Variants in LZTR1 observed in about 807,000 individuals in gnomAD.
LZTR1 encodes the protein leucine-zipper-like transcriptional regulator 1.
Under a neutral mutation model 105.7 loss-of-function variants are expected in LZTR1, and 260 were observed. The observed-to-expected ratio is 2.46, with a 90% CI of 2.22 to 2.72. The LOEUF is 2.72. Ranked by LOEUF, LZTR1 falls within the 30% of genes most tolerant of loss-of-function variation. LZTR1 has a pLI of 0.00. For synonymous variants in LZTR1, 490 were observed against 476.4 expected (o/e 1.03, Z -0.37); for missense variants, 1,214 against 1,166.9 (o/e 1.04, Z -0.59).
intron 3 of LZTR1, chr22:20,986,666 G>A (rs1569154140): frequency 6.6e-6 from 1 of 152,150 alleles, no homozygotes; most frequent in Admixed American, 6.5e-5. Flanking sequence ...GATTATATAG[G>A]TAGATGATAG....
At chr22:20,984,186 A>C (rs1376106939) in intron 2 of LZTR1, among the ~76,000 whole-genome samples, 1 of 151,984 alleles carries the variant, frequency 6.6e-6, no homozygotes, top group East Asian at 1.9e-4. Flanking sequence ...TACCATCTTC[A>C]TTTGTTCCTG....
chr22:20,988,134 G>C lies in LZTR1; in HGVS notation c.509+16G>C. ...TTGAAGGACGGTGAGAAACTTTGCA[G>C]AAACATTTGGGACAGGCTGGGTCCT... On this transcript the variant is annotated intron_variant, in intron 5 of 20. Transcript: ENST00000646124. 6.5e-7 allele frequency: 1 copy of C among 1,542,716 alleles called. No homozygotes were observed. Among genetic ancestry groups the C allele is most frequent in the Non-Finnish European group, 9.0e-7 (1 of 1,115,286 alleles).
At chr22:20,992,182 T>C in intron 9 of LZTR1, 32 bp from the exon 10 acceptor site, 1 of 1,601,450 alleles carries the variant, frequency 6.2e-7, no homozygotes, top group South Asian at 1.1e-5. Flanking sequence ...CCTTGCCAAC[T>C]GGTCTCATGC....
chr22:20,986,921 A>T (rs1481700838), intron 3 of LZTR1: 1 of 152,250 alleles, frequency 6.6e-6, no homozygotes, highest in Non-Finnish European at 1.5e-5. Context: ...ATTTTAAAAA[A>T]TTTCATGGAA....
At chr22:20,986,767 T>G (rs1209446376) in intron 3 of LZTR1, 4 of 152,212 alleles carry the variant, frequency 2.6e-5, no homozygotes, top group Non-Finnish European at 5.9e-5. Flanking sequence ...AGATAGGTAT[T>G]AAATGAAATT....
chr22:20,996,990 A>G, intron 20 of LZTR1, 24 bp downstream of exon 20: 1 of 1,611,586 alleles, frequency 6.2e-7, no homozygotes, highest in Non-Finnish European at 8.5e-7. Flanking sequence ...CCTCCCCTTC[A>G]GGACTCGCTT....
At chr22:20,996,252 TG>T in intron 18 of LZTR1, 140 bp downstream of exon 18, 1 of 937,084 alleles carries the variant, frequency 1.1e-6, no homozygotes, top group Non-Finnish European at 1.6e-6. Flanking sequence ...TGCTGGTGCC[TG>T]GGGCTGGGCC....
chr22:20,985,224 A>AT (rs1467623817), intron 2 of LZTR1, among the ~76,000 whole-genome samples: 1 of 151,486 alleles, frequency 6.6e-6, no homozygotes, highest in African/African-American at 2.4e-5. Flanking sequence ...TGCCAGGCTA[A>AT]TTTTTTTGTA....
At chr22:20,990,821 C>T (rs1414586903) in intron 8 of LZTR1, 9 of 360,700 alleles carry the variant, frequency 2.5e-5, no homozygotes, top group South Asian at 8.7e-5. Context: ...CAGTAACAGA[C>T]GTGGCCTGCA....
At chr22:20,994,296 G>C (rs773088734) in intron 14 of LZTR1, 27 bp downstream of exon 14, 1 of 1,593,310 alleles carries the variant, frequency 6.3e-7, no homozygotes, top group Admixed American at 1.7e-5. Context: ...GTGGAGCAGG[G>C]TTGGTGTGGG....
chr22:20,996,174 G>C, intron 18 of LZTR1, 62 bp downstream of exon 18: 1 of 1,567,154 alleles, frequency 6.4e-7, no homozygotes, highest in African/African-American at 1.3e-5. Flanking sequence ...CCCACCTCAG[G>C]TGGCTTTGAG....
At chr22:20,990,854 G>C (rs896405340) in intron 8 of LZTR1, 1 of 250,396 alleles carries the variant, frequency 4.0e-6, no homozygotes, top group Non-Finnish European at 7.8e-6. Flanking sequence ...AATGGCAGAA[G>C]ACCAGAGGGG....
Position 20,993,958 on chromosome 22 carries a change from T to G in LZTR1, c.1388T>G (p.Val463Gly). ...EECVQGHVAI[V>G]TARSRWLRRK... is the part of the protein sequence containing the mutation. ...TGCGTGCAGGGCCACGTAGCCATTGTCACAGCGCGGAGCCGCTGGCTTCGC... is the reference window on the plus strand; with the variant it reads ...TGCGTGCAGGGCCACGTAGCCATTGGCACAGCGCGGAGCCGCTGGCTTCGC... The change falls in exon 13 of 21, where the codon GTC becomes GGC. Residue 463 changes from valine (V) to glycine (G), a missense_variant. By Grantham distance (109) the Val-to-Gly change is moderately radical. Coordinates refer to ENST00000646124, the MANE Select transcript of LZTR1 (RefSeq NM_006767.4). 6.2e-7 allele frequency: 1 copy of G among 1,612,832 alleles called. No homozygotes were observed. Among genetic ancestry groups the G allele is most frequent in the Non-Finnish European group, 8.5e-7 (1 of 1,179,920 alleles).
chr22:20,993,229 C>G, intron 11 of LZTR1: 1 of 417,138 alleles, frequency 2.4e-6, no homozygotes, highest in Non-Finnish European at 4.4e-6. Context: ...CAGTGGCTTG[C>G]GTTGACAGCC....
At chr22:20,994,445 C>T in intron 14 of LZTR1, 113 bp from the exon 15 acceptor site, 1 of 1,317,924 alleles carries the variant, frequency 7.6e-7, no homozygotes, top group Non-Finnish European at 1.1e-6. Flanking sequence ...TCCCCCGAGG[C>T]CTTGTTCCTA....
chr22:20,994,212 C>G lies in LZTR1; in HGVS notation c.1558C>G (p.Pro520Ala), dbSNP rs1393188363. 1 of 1,601,620 alleles carries G rather than the reference C, an allele frequency of 6.2e-7. No homozygotes were observed. Among genetic ancestry groups the G allele is most frequent in the African/African-American group, 1.3e-5 (1 of 74,908 alleles). Residue 520 changes from proline (P) to alanine (A), a missense_variant, in exon 14 of 21, where the codon CCC (proline) becomes GCC (alanine). Transcript: ENST00000646124. ...HVAIREAEAR[P>A]FEVLMQFLYT... ...GGCCATCCGGGAGGCCGAGGCCCGG[C>G]CCTTCGAGGTGCTCATGCAGTTCCT...
Position 20,982,512 on chromosome 22 carries a change from C to G in LZTR1, c.141C>G (p.Pro47=), listed in dbSNP as rs557166659. The change falls in exon 1 of 21, where the codon CCC becomes CCG. Residue 47 remains proline, a synonymous_variant. Coordinates refer to ENST00000646124, the MANE Select transcript of LZTR1 (RefSeq NM_006767.4). ...AGTACCTGACGCTCAACTTCGGGCC[C>G]TTCGAAACAGTGCATCGCTGGCGGC... is the stretch of plus-strand genomic sequence containing the variant. ...SVEYLTLNFG[P]FETVHRWRRL... is the part of the protein sequence containing the mutation. 1 of 1,613,158 alleles carries G rather than the reference C, an allele frequency of 6.2e-7. No individual in the cohort carries two copies. Among genetic ancestry groups the G allele is most frequent in the Admixed American group, 1.7e-5 (1 of 59,956 alleles).
At chr22:20,996,624 C>G (rs1569158269) in intron 18 of LZTR1, 72 bp from the exon 19 acceptor site, 1 of 1,299,044 alleles carries the variant, frequency 7.7e-7, no homozygotes, top group Non-Finnish European at 1.1e-6. Context: ...CCAGCTGCGC[C>G]CTTCCCTGTC....
At position 20,993,922 on chromosome 22, in the gene LZTR1, A is replaced by G. The variant is rs772714594; in HGVS notation, c.1354-2A>G. ...TCTGCCAGTGCATCATTCTTTGTGC[A>G]GAAGGAGGAGTGCGTGCAGGGCCAC... On this transcript the variant is annotated splice_acceptor_variant, in intron 12 of 20. Transcript: ENST00000646124. LOFTEE classifies it high-confidence loss of function. The G allele has an allele frequency of 1.1e-5, 18 of 1,611,360 alleles. No individual in the cohort carries two copies. In the African/African-American group the frequency reaches 1.5e-4, roughly 13 times the overall value.
Sources: allele counts gnomAD v4.1 joint callset (sites outside exome capture counted in the v4.1 genomes callset), GRCh38; gene constraint gnomAD v4.1.1; transcripts MANE v1.5; gene names NCBI Gene and HGNC (gene_info 2026-07-23, HGNC 2026-07-21).